Variants in MACROD2 observed in about 807,000 individuals in gnomAD.
MACROD2 encodes the protein mono-ADP ribosylhydrolase 2.
A neutral mutation model predicts 70.4 loss-of-function variants in MACROD2; 36 were observed. That is an observed-to-expected ratio of 0.51 (90% CI 0.39 to 0.68). The LOEUF (loss-of-function observed/expected upper bound fraction) is 0.68. Ranked by LOEUF, MACROD2 falls within the 30% of genes least tolerant of loss-of-function variation. MACROD2 has a pLI of 0.00. For missense variants in MACROD2, 496 were observed against 538.4 expected (o/e 0.92, Z 0.78); for synonymous variants, 172 against 178.8 (o/e 0.96, Z 0.30).
chr20:14,226,035 T>C (rs113232931), intron 3 of MACROD2, among the ~76,000 whole-genome samples: 22 of 152,316 alleles, frequency 1.4e-4, no homozygotes, highest in African/African-American at 5.3e-4. Context: ...AGGTTGTATC[T>C]GGTTAGGGTA....
chr20:14,087,960 G>GAT (rs1302747950), intron 3 of MACROD2, among the ~76,000 whole-genome samples: 3 of 151,268 alleles, frequency 2.0e-5, no homozygotes. Context: ...ATAAATAAAA[G>GAT]ATATATATAC....
chr20:15,567,012 G>GT (rs1257954405), intron 8 of MACROD2, among the ~76,000 whole-genome samples: 3 of 151,192 alleles, frequency 2.0e-5, no homozygotes, highest in South Asian at 2.1e-4. Flanking sequence ...TTTTTTTAAT[G>GT]TTTTTTGTAT....
At chr20:15,963,611 T>C (rs1332824739) in intron 12 of MACROD2, among the ~76,000 whole-genome samples, 1 of 151,964 alleles carries the variant, frequency 6.6e-6, no homozygotes, top group Non-Finnish European at 1.5e-5. Flanking sequence ...TCAAGCTCAG[T>C]AGCTAATTCC....
At chr20:15,157,015 A>C (rs886328472) in intron 5 of MACROD2, among the ~76,000 whole-genome samples, 1 of 152,186 alleles carries the variant, frequency 6.6e-6, no homozygotes, top group African/African-American at 2.4e-5. Context: ...ATATGTTACA[A>C]TTTCCTAGTC....
chr20:15,776,748 C>T (rs1241147441), intron 8 of MACROD2, among the ~76,000 whole-genome samples: 2 of 152,142 alleles, frequency 1.3e-5, no homozygotes, highest in Non-Finnish European at 2.9e-5. Flanking sequence ...TCCAAAACTA[C>T]ATTTCTATTT....
chr20:15,312,089 A>G (rs2077759371), intron 6 of MACROD2, among the ~76,000 whole-genome samples: 2 of 152,246 alleles, frequency 1.3e-5, no homozygotes, highest in Non-Finnish European at 2.9e-5. Context: ...AACATGCATC[A>G]TAGAAAATGT....
intron 4 of MACROD2, among the ~76,000 whole-genome samples, chr20:14,514,332 T>C (rs975889894): frequency 6.6e-6 from 1 of 152,116 alleles, no homozygotes; most frequent in Non-Finnish European, 1.5e-5. Context: ...GTTTTCACCA[T>C]TGGAATGTCA....
intron 3 of MACROD2, among the ~76,000 whole-genome samples, chr20:14,369,059 T>C (rs573970130): frequency 2.6e-5 from 4 of 152,310 alleles, no homozygotes; most frequent in African/African-American, 9.6e-5. Flanking sequence ...GCTATACATG[T>C]CCTATTTCCC....
In MACROD2 at chr20:15,078,780, G is replaced by A. The variant is rs530737833; in HGVS notation, c.419-151160G>A. On this transcript the variant is annotated intron_variant, in intron 5 of 17. Coordinates refer to ENST00000684519, the MANE Select transcript of MACROD2 (RefSeq NM_001351661.2). ...TCCTGTCTCAGCCTCTCGAGTAGCT[G>A]GGACTACAGGCCCTGCCACTATGCC... Among the ~76,000 whole-genome samples, 88 of 150,906 alleles carry A rather than the reference G, an allele frequency of 5.8e-4. 1 individual carries two copies. Among genetic ancestry groups the A allele is most frequent in the Middle Eastern group, 3.4e-3 (1 of 294 alleles).
chr20:14,679,053 A>G (rs2070897531), intron 4 of MACROD2, among the ~76,000 whole-genome samples: 1 of 152,176 alleles, frequency 6.6e-6, no homozygotes, highest in South Asian at 2.1e-4. Context: ...AGGTGGGGAT[A>G]TACAAAAGAA....
Position 15,802,945 on chromosome 20 carries a change from CA to C in MACROD2, c.646-59799del, listed in dbSNP as rs1341190356. On this transcript the variant is annotated intron_variant, in intron 8 of 17. Transcript: ENST00000684519. ...AAATGGATACTTTCCTGAACACCTA[CA>C]GTCTACCAAGATTAAAGCAGGAAGA... Among the ~76,000 whole-genome samples, 3 of 152,174 alleles carry C rather than the reference CA, an allele frequency of 2.0e-5. No homozygotes were observed. In the East Asian group the frequency reaches 5.8e-4, roughly 29 times the overall value.
chr20:15,440,033 A>C (rs1007150542), intron 7 of MACROD2, among the ~76,000 whole-genome samples: 7 of 152,180 alleles, frequency 4.6e-5, no homozygotes, highest in Non-Finnish European at 8.8e-5. Context: ...AATGCTAATA[A>C]ATTTAACAAA....
intron 5 of MACROD2, among the ~76,000 whole-genome samples, chr20:15,101,051 C>A (rs779562126): frequency 6.6e-6 from 1 of 152,086 alleles, no homozygotes; most frequent in Non-Finnish European, 1.5e-5. Context: ...GACTAAGATA[C>A]TGCTATTACT....
chr20:15,625,252 A>AAG lies in MACROD2; in HGVS notation c.645+125405_645+125406insAG, dbSNP rs1415100984. Among the ~76,000 whole-genome samples the AAG allele has an allele frequency of 9.3e-3, 1,409 of 152,312 alleles. 19 individuals are homozygous for AAG. The highest frequency in any genetic ancestry group is 0.032 in the African/African-American group (1,335 of 41,560). ...CCAAGTGTAGAGAAGACCACAAGTG[A>AAG]CTATAAAACGAGGAAGCCCCGTAGC... On this transcript the variant is annotated intron_variant, in intron 8 of 17. Transcript: ENST00000684519.
intron 3 of MACROD2, among the ~76,000 whole-genome samples, chr20:14,443,779 AT>A (rs998980240): frequency 5.9e-5 from 9 of 152,198 alleles, no homozygotes; most frequent in African/African-American, 1.9e-4. Flanking sequence ...AGCTGGGTAA[AT>A]TGGGCAAATT....
At chr20:15,134,836 A>C (rs1360145212) in intron 5 of MACROD2, among the ~76,000 whole-genome samples, 2 of 152,152 alleles carry the variant, frequency 1.3e-5, no homozygotes, top group African/African-American at 4.8e-5. Context: ...CTAATAAAAA[A>C]AGAGAGAAGA....
intron 5 of MACROD2, among the ~76,000 whole-genome samples, chr20:15,029,463 T>C (rs2075257995): frequency 6.6e-6 from 1 of 152,182 alleles, no homozygotes; most frequent in African/African-American, 2.4e-5. Flanking sequence ...CCACAGACTT[T>C]CTGATTCAGA....
intron 4 of MACROD2, among the ~76,000 whole-genome samples, chr20:14,585,767 G>T (rs1026938973): frequency 6.6e-6 from 1 of 152,022 alleles, no homozygotes; most frequent in Non-Finnish European, 1.5e-5. Context: ...AAACAAAGCT[G>T]TTTTTCAAAT....
chr20:14,940,299 A>G (rs1172493160), intron 5 of MACROD2, among the ~76,000 whole-genome samples: 3 of 152,140 alleles, frequency 2.0e-5, no homozygotes, highest in South Asian at 2.1e-4. Flanking sequence ...GCACCACTGC[A>G]CTACTGCCTG....
Sources: gnomAD v4.1 joint callset for allele counts (sites outside exome capture counted in the v4.1 genomes callset) on GRCh38, gnomAD v4.1.1 for gene constraint, MANE v1.5 for transcripts, NCBI Gene and HGNC (gene_info 2026-07-23, HGNC 2026-07-21) for gene names.